ERC2: variants seen among roughly 807,000 people sequenced by gnomAD.
The protein encoded by ERC2 is ERC protein 2.
Under a neutral mutation model 114.8 loss-of-function variants are expected in ERC2, and 42 were observed. That is an observed-to-expected ratio of 0.37 (90% CI 0.29 to 0.47). The LOEUF (loss-of-function observed/expected upper bound fraction) is 0.47, where lower values mean the gene tolerates loss of function less well. Among genes scored for constraint, ERC2 ranks in the 20% least tolerant of loss-of-function variants. The pLI is 0.99. For synonymous variants in ERC2, 454 were observed against 425.5 expected (o/e 1.07, Z -0.82); for missense variants, 939 against 1,150.7 (o/e 0.82, Z 2.66).
intron 3 of ERC2, among the ~76,000 whole-genome samples, chr3:56,225,046 G>T (rs555539158): frequency 6.6e-6 from 1 of 152,184 alleles, no homozygotes; most frequent in South Asian, 2.1e-4. Flanking sequence ...CCTCGGGCAA[G>T]TCCTTTCTCA....
chr3:56,228,058 G>A (rs980632500), intron 3 of ERC2, among the ~76,000 whole-genome samples: 1 of 152,130 alleles, frequency 6.6e-6, no homozygotes, highest in African/African-American at 2.4e-5. Flanking sequence ...GAACCTCAAG[G>A]GCTGGCAGAA....
chr3:56,019,873 G>A (rs17288665), intron 7 of ERC2, among the ~76,000 whole-genome samples: 45,352 of 151,952 alleles, frequency 0.3, 8,422 homozygotes, highest in East Asian at 0.55. Flanking sequence ...CAATTTATTC[G>A]TATTAAGGGT....
intron 2 of ERC2, among the ~76,000 whole-genome samples, chr3:56,315,951 C>G (rs528197246): frequency 6.6e-6 from 1 of 152,030 alleles, no homozygotes; most frequent in Non-Finnish European, 1.5e-5. Flanking sequence ...GAATTTAAAT[C>G]GAAGTAAGCC....
chr3:55,837,642 T>G (rs1051480597), intron 14 of ERC2, among the ~76,000 whole-genome samples: 6 of 150,678 alleles, frequency 4.0e-5, no homozygotes, highest in Non-Finnish European at 5.9e-5. Context: ...TTAGGAGATA[T>G]ACCTAATTCT....
At chr3:55,778,173 C>T (rs180764826) in intron 14 of ERC2, among the ~76,000 whole-genome samples, 79 of 152,238 alleles carry the variant, frequency 5.2e-4, no homozygotes, top group African/African-American at 1.3e-3. Flanking sequence ...AATGAATACA[C>T]GTGTGTATGT....
intron 17 of ERC2, among the ~76,000 whole-genome samples, chr3:55,669,216 T>C (rs1203789159): frequency 6.6e-6 from 1 of 152,188 alleles, no homozygotes; most frequent in Non-Finnish European, 1.5e-5. Context: ...GGCTCGGAAG[T>C]TTGCACAAGG....
At chr3:56,376,160 C>T (rs1011535844) in intron 2 of ERC2, among the ~76,000 whole-genome samples, 3 of 152,188 alleles carry the variant, frequency 2.0e-5, no homozygotes, top group Non-Finnish European at 4.4e-5. Flanking sequence ...TGCTGGCCCA[C>T]AGAAACTGTG....
intron 2 of ERC2, among the ~76,000 whole-genome samples, chr3:56,411,382 T>C (rs2060936180): frequency 6.6e-6 from 1 of 151,852 alleles, no homozygotes; most frequent in Non-Finnish European, 1.5e-5. Flanking sequence ...CAGCTTCTCT[T>C]GGATGTCTAA....
rs2066446557 is a variant in ERC2 at position 55,936,393 on chromosome 3, T to TG, written c.2403+14031dup. ...TCCTACATTCTAGGAGGAGGGATGA[T>TG]GGACAAAGTGCCTATGTGCTCATGG... On this transcript the variant is annotated intron_variant, in intron 13 of 17. Transcript: ENST00000288221. Among the ~76,000 whole-genome samples the TG allele has an allele frequency of 2.0e-5, 3 of 152,222 alleles. 1 individual carries two copies. The highest frequency in any genetic ancestry group is 4.4e-5 in the Non-Finnish European group (3 of 68,042).
intron 3 of ERC2, among the ~76,000 whole-genome samples, chr3:56,285,229 G>A (rs987120525): frequency 2.0e-5 from 3 of 151,710 alleles, no homozygotes; most frequent in African/African-American, 7.3e-5. Flanking sequence ...GATGGGGCTA[G>A]GAGTTACTGT....
At chr3:56,295,142 A>T (rs553983649) in intron 3 of ERC2, among the ~76,000 whole-genome samples, 2 of 152,348 alleles carry the variant, frequency 1.3e-5, no homozygotes, top group South Asian at 4.1e-4. Flanking sequence ...GTCTAGAAGG[A>T]AATATCTTCT....
chr3:55,873,979 G>A (rs891643251), intron 14 of ERC2, among the ~76,000 whole-genome samples: 2 of 152,178 alleles, frequency 1.3e-5, no homozygotes, highest in South Asian at 4.1e-4. Flanking sequence ...AGAAATAACT[G>A]ACTTCCCAGC....
At chr3:56,136,325 C>A (rs575970432) in intron 6 of ERC2, among the ~76,000 whole-genome samples, 1 of 152,282 alleles carries the variant, frequency 6.6e-6, no homozygotes, top group South Asian at 2.1e-4. Context: ...ACAAAGAGAG[C>A]CCCCTTCTGT....
At chr3:56,327,019 C>A (rs1349520163) in intron 2 of ERC2, among the ~76,000 whole-genome samples, 3 of 152,174 alleles carry the variant, frequency 2.0e-5, no homozygotes, top group Admixed American at 1.3e-4. Flanking sequence ...GCCTGGGAGG[C>A]CAAGAAGCCT....
chr3:56,202,050 C>G (rs1374520156), intron 3 of ERC2, among the ~76,000 whole-genome samples: 1 of 152,202 alleles, frequency 6.6e-6, no homozygotes, highest in African/African-American at 2.4e-5. Flanking sequence ...GTTTGGCCAT[C>G]TTTGTATTCC....
At chr3:55,764,520 A>C (rs1214338765) in intron 14 of ERC2, among the ~76,000 whole-genome samples, 1 of 152,224 alleles carries the variant, frequency 6.6e-6, no homozygotes, top group Non-Finnish European at 1.5e-5. Context: ...GAATGACTAC[A>C]CAAATGAAGG....
At chr3:55,750,764 A>C (rs1489698021) in intron 14 of ERC2, among the ~76,000 whole-genome samples, 1 of 152,224 alleles carries the variant, frequency 6.6e-6, no homozygotes, top group East Asian at 1.9e-4. Context: ...GGTCAAATAA[A>C]GAATGCCTTA....
In ERC2 at chr3:55,947,419, C is replaced by T. The variant is rs375936180; in HGVS notation, c.2403+3006G>A. On this transcript the variant is annotated intron_variant, in intron 13 of 17. Transcript: ENST00000288221. ...CTCCACCTCTCCTCGTATCTACTCC[C>T]GTACATTTTTGTCTTTGTGAGTCAA... Among the ~76,000 whole-genome samples the T allele has an allele frequency of 4.0e-4, 61 of 152,318 alleles. 1 individual carries two copies. The Middle Eastern group carries it at 0.037, about 93-fold the overall frequency.
intron 15 of ERC2, among the ~76,000 whole-genome samples, chr3:55,722,627 T>C (rs1265772643): frequency 6.6e-6 from 1 of 152,224 alleles, no homozygotes; most frequent in Non-Finnish European, 1.5e-5. Flanking sequence ...TCTGTTTTGT[T>C]CACTGTTGTG....
Sources: gnomAD v4.1 joint callset for allele counts (sites outside exome capture counted in the v4.1 genomes callset) on GRCh38, gnomAD v4.1.1 for gene constraint, MANE v1.5 for transcripts, NCBI Gene and HGNC (gene_info 2026-07-23, HGNC 2026-07-21) for gene names.